Variants in PDCD1LG2 observed in about 807,000 individuals in gnomAD.
The protein encoded by PDCD1LG2 is B7 dendritic cell molecule.
A neutral mutation model predicts 28.2 loss-of-function variants in PDCD1LG2; 32 were observed. That is an observed-to-expected ratio of 1.13 (90% confidence interval 0.86 to 1.52). The LOEUF is 1.52. PDCD1LG2 is among the 40% of genes most tolerant of loss of function. The pLI, the probability that PDCD1LG2 is intolerant of heterozygous loss-of-function variation, is 0.00. For missense variants in PDCD1LG2, 385 were observed against 323.8 expected (o/e 1.19, Z -1.45); for synonymous variants, 116 against 120.2 (o/e 0.97, Z 0.23).
intron 5 of PDCD1LG2, among the ~76,000 whole-genome samples, chr9:5,560,268 T>A (rs1233966418): frequency 2.0e-5 from 3 of 152,208 alleles, no homozygotes; most frequent in Non-Finnish European, 2.9e-5. Flanking sequence ...TGTCTCCCTC[T>A]TATAGCATGT....
rs779241005 is a variant in PDCD1LG2, at chr9:5,535,062, C to A, written c.361+12C>A. 2 of 1,588,110 alleles carry A rather than the reference C, an allele frequency of 1.3e-6. No homozygotes were observed. Among genetic ancestry groups the A allele is most frequent in the East Asian group, 2.2e-5 (1 of 44,630 alleles). On this transcript the variant is annotated intron_variant, in intron 3 of 6. Coordinates refer to ENST00000397747, the MANE Select transcript of PDCD1LG2 (RefSeq NM_025239.4). Reference sequence around the variant, plus strand: ...TCTGAAAGTCAAAGGTGAGTGGTGTCAAGGACTAGAATCCATGGAAGCATC... The same window carrying A: ...TCTGAAAGTCAAAGGTGAGTGGTGTAAAGGACTAGAATCCATGGAAGCATC...
chr9:5,524,602 A>G (rs934580355), intron 2 of PDCD1LG2, among the ~76,000 whole-genome samples: 9 of 152,140 alleles, frequency 5.9e-5, no homozygotes, highest in Admixed American at 3.3e-4. Flanking sequence ...CTCTTTAATT[A>G]AAGAGTTTTG....
intron 6 of PDCD1LG2, among the ~76,000 whole-genome samples, chr9:5,564,291 C>T (rs1816622072): frequency 6.6e-6 from 1 of 152,248 alleles, no homozygotes; most frequent in South Asian, 2.1e-4. Context: ...TTTTTCTCAG[C>T]TCACTGCCTC....
In PDCD1LG2 at chr9:5,563,154, CT is replaced by C; in HGVS notation, c.767-4del. 6.2e-7 allele frequency: 1 copy of C among 1,605,988 alleles called. No individual in the cohort carries two copies. Among genetic ancestry groups the C allele is most frequent in the Non-Finnish European group, 8.5e-7 (1 of 1,173,296 alleles). ...TCTTATTCCATTTCTGGAATTTTTC[CT>C]TTTCAGACACAACAAAAAGACCTGT... is the stretch of plus-strand genomic sequence containing the variant. On this transcript the variant is annotated splice_polypyrimidine_tract_variant and splice_region_variant and intron_variant, in intron 5 of 6. Coordinates refer to ENST00000397747, the MANE Select transcript of PDCD1LG2 (RefSeq NM_025239.4).
At chr9:5,543,538 C>CAAA (rs139524609) in intron 3 of PDCD1LG2, among the ~76,000 whole-genome samples, 234 of 73,066 alleles carry the variant, frequency 3.2e-3, no homozygotes, top group Admixed American at 5.3e-3. Context: ...GACTCCGTCT[C>CAAA]AAAAAAAAAA....
At chr9:5,557,859 C>A in intron 5 of PDCD1LG2, 107 bp downstream of exon 5, 1 of 1,371,198 alleles carries the variant, frequency 7.3e-7, no homozygotes, top group Non-Finnish European at 1.0e-6. Context: ...TAAACCCACT[C>A]AGAGCTTATG....
At position 5,569,857 on chromosome 9, in the gene PDCD1LG2, T is replaced by G. The variant is rs1816738376; in HGVS notation, c.817-97T>G. ...ATGCGGCTTCCAGCTAGATGAACTTTTTTAAAAAAATTAGTTCCTCACTCA... is the reference window on the plus strand; with the variant it reads ...ATGCGGCTTCCAGCTAGATGAACTTGTTTAAAAAAATTAGTTCCTCACTCA... On this transcript the variant is annotated intron_variant, in intron 6 of 6. Coordinates refer to ENST00000397747, the MANE Select transcript of PDCD1LG2 (RefSeq NM_025239.4). This position sits in a 1 kb window ranked among gnomAD's most constrained non-coding sequence, Gnocchi z 4.1. 6.1e-6 allele frequency: 8 copies of G among 1,304,334 alleles called. No individual in the cohort carries two copies. In the Middle Eastern group the frequency reaches 6.1e-4, roughly 99 times the overall value. 80.8% of individuals were successfully genotyped at this position (1,304,334 alleles called of 1,614,324 possible).
intron 2 of PDCD1LG2, among the ~76,000 whole-genome samples, chr9:5,531,528 T>C (rs1820483620): frequency 1.3e-5 from 2 of 152,200 alleles, no homozygotes; most frequent in African/African-American, 2.4e-5. Context: ...TAGCATATTT[T>C]ATGCCTATCA....
Position 5,532,122 on chromosome 9 carries a change from A to C in PDCD1LG2, c.56-2623A>C, listed in dbSNP as rs113050650. 1.8e-3 allele frequency among the ~76,000 whole-genome samples: 281 copies of C among 152,300 alleles called. 1 individual carries two copies. Among genetic ancestry groups the C allele is most frequent in the African/African-American group, 6.5e-3 (268 of 41,546 alleles). On this transcript the variant is annotated intron_variant, in intron 2 of 6. Transcript: ENST00000397747. ...TTAAAATAAAAGAATCATACAGGAA[A>C]TCTCTTTTTACATGCCTTATTCCAG... is the stretch of plus-strand genomic sequence containing the variant.
rs181758876 is a variant in PDCD1LG2 at position 5,531,841 on chromosome 9, C to A, written c.56-2904C>A. Among the ~76,000 whole-genome samples the A allele has an allele frequency of 4.7e-4, 72 of 152,286 alleles. No individual in the cohort carries two copies. In the Middle Eastern group the frequency reaches 0.01, roughly 22 times the overall value. ...TTCCTGTTTATCAAATGTAATTAAACAAGAGAAGTATTATAGAAGAGTAAA... is the reference window on the plus strand; with the variant it reads ...TTCCTGTTTATCAAATGTAATTAAAAAAGAGAAGTATTATAGAAGAGTAAA... On this transcript the variant is annotated intron_variant, in intron 2 of 6. Coordinates refer to ENST00000397747, the MANE Select transcript of PDCD1LG2 (RefSeq NM_025239.4).
chr9:5,564,330 G>A (rs945498874), intron 6 of PDCD1LG2, among the ~76,000 whole-genome samples: 2 of 152,146 alleles, frequency 1.3e-5, no homozygotes, highest in Non-Finnish European at 2.9e-5. Flanking sequence ...AAGGACATCT[G>A]TGATATCAGA....
In PDCD1LG2 at chr9:5,525,492, A is replaced by G. The variant is rs545132467; in HGVS notation, c.55+2891A>G. Among the ~76,000 whole-genome samples, 3 of 151,722 alleles carry G rather than the reference A, an allele frequency of 2.0e-5. No individual in the cohort carries two copies. In the East Asian group the frequency reaches 5.8e-4, roughly 29 times the overall value. On this transcript the variant is annotated intron_variant, in intron 2 of 6. Transcript: ENST00000397747. Reference sequence around the variant, plus strand: ...GGAGAATGGATAGAGAAATCATGGTATATTTGCAGAATATATATTATATAT... The same window carrying G: ...GGAGAATGGATAGAGAAATCATGGTGTATTTGCAGAATATATATTATATAT...
chr9:5,531,576 TA>T (rs2129775962), intron 2 of PDCD1LG2, among the ~76,000 whole-genome samples: 1 of 152,194 alleles, frequency 6.6e-6, no homozygotes, highest in South Asian at 2.1e-4. Context: ...ACAGGAAAAA[TA>T]GGAAGAAAAT....
chr9:5,543,770 C>T (rs1820739377), intron 3 of PDCD1LG2, among the ~76,000 whole-genome samples: 2 of 151,452 alleles, frequency 1.3e-5, no homozygotes, highest in South Asian at 2.1e-4. Flanking sequence ...TCCTGAGCTC[C>T]GCCTGCAGTA....
At chr9:5,553,037 A>T (rs1238611418) in intron 4 of PDCD1LG2, among the ~76,000 whole-genome samples, 1 of 152,080 alleles carries the variant, frequency 6.6e-6, no homozygotes, top group African/African-American at 2.4e-5. Flanking sequence ...AGCCCAGTAG[A>T]TTGAGGTTAC....
At chr9:5,522,248 G>A (rs999168908) in intron 1 of PDCD1LG2, among the ~76,000 whole-genome samples, 3 of 152,222 alleles carry the variant, frequency 2.0e-5, no homozygotes, top group African/African-American at 7.2e-5. Context: ...GCAGGTAACT[G>A]CCAATATGTG....
At chr9:5,516,278 C>T (rs912797241) in intron 1 of PDCD1LG2, among the ~76,000 whole-genome samples, 1 of 152,196 alleles carries the variant, frequency 6.6e-6, no homozygotes, top group African/African-American at 2.4e-5. Context: ...GTCTCAAACT[C>T]CTGACCTCGT....
intron 2 of PDCD1LG2, among the ~76,000 whole-genome samples, chr9:5,528,559 C>T (rs1820423085): frequency 6.6e-6 from 1 of 151,908 alleles, no homozygotes; most frequent in African/African-American, 2.4e-5. Context: ...CTCGCCTCAG[C>T]CTCCCAAAAT....
intron 1 of PDCD1LG2, among the ~76,000 whole-genome samples, chr9:5,511,391 A>G (rs547097946): frequency 2.8e-4 from 43 of 152,346 alleles, no homozygotes; most frequent in African/African-American, 1.0e-3. Flanking sequence ...AGAAAAATTA[A>G]ACAGAACTGA....
Sources: gnomAD v4.1 joint callset for allele counts (sites outside exome capture counted in the v4.1 genomes callset) on GRCh38, gnomAD v4.1.1 for gene constraint, Gnocchi (gnomAD v3.1) non-coding constraint, MANE v1.5 for transcripts, NCBI Gene and HGNC (gene_info 2026-07-23, HGNC 2026-07-21) for gene names.